Variants in CALM3 observed in about 807,000 individuals in gnomAD.
CALM3 encodes calmodulin 3.
In CALM3, 5 loss-of-function variants were observed where a neutral mutation model predicts 20.1. The ratio of observed to expected loss-of-function variants is 0.25; its 90% confidence interval spans 0.13 to 0.52. The LOEUF (loss-of-function observed/expected upper bound fraction) is 0.52, where lower values mean the gene tolerates loss of function less well. CALM3 is among the 20% of genes least tolerant of loss of function. The pLI is 0.96. For missense variants in CALM3, 57 were observed against 192.8 expected, an observed-to-expected ratio of 0.30 and a Z score of 4.17; for synonymous variants, 69 against 68.1, an observed-to-expected ratio of 1.01 and a Z score of -0.06.
At position 46,601,993 on chromosome 19, in the gene CALM3, C is replaced by A; in HGVS notation, c.3+556C>A. The A allele has an allele frequency of 1.2e-6, 1 of 801,370 alleles. No individual in the cohort carries two copies. Among genetic ancestry groups the A allele is most frequent in the Non-Finnish European group, 1.7e-6 (1 of 597,402 alleles). The allele number at this position is 801,370 out of a possible 1,614,324, so 49.6% of individuals were successfully genotyped here. A position where few individuals can be genotyped will look rare whatever the true frequency, so the allele number is the denominator to read the frequency against. ...GCTCCTGTGGAGCAGAGGAGAGGGT[C>A]AAGGATGGGCGGTCACTTCTACAGA... On this transcript the variant is annotated intron_variant, in intron 1 of 5. Transcript: ENST00000291295. The surrounding 1 kb of genome is among the most constrained non-coding windows in gnomAD (Gnocchi z 4.2).
Position 46,609,499 on chromosome 19 carries a change from C to A in CALM3, c.*346C>A. On this transcript the variant is annotated 3_prime_UTR_variant, in exon 6 of 6. Coordinates refer to ENST00000291295, the MANE Select transcript of CALM3 (RefSeq NM_005184.4). The stretch of plus-strand genomic sequence containing the variant: ...GGCTCTCCTCCATTTTGGTTTGTTT[C>A]CTCTTGTTTGTCATCTTATTTTGGG... The A allele has an allele frequency of 2.8e-6, 1 of 358,576 alleles. No homozygotes were observed. Among genetic ancestry groups the A allele is most frequent in the South Asian group, 4.3e-5 (1 of 22,994 alleles). The allele number at this position is 358,576 out of a possible 1,614,324, so 22.2% of individuals were successfully genotyped here.
chr19:46,601,989 G>A lies in CALM3; in HGVS notation c.3+552G>A, dbSNP rs1316905789. ...CTGGGCTCCTGTGGAGCAGAGGAGAGGGTCAAGGATGGGCGGTCACTTCTA... is the reference window on the plus strand; with the variant it reads ...CTGGGCTCCTGTGGAGCAGAGGAGAAGGTCAAGGATGGGCGGTCACTTCTA... On this transcript the variant is annotated intron_variant, in intron 1 of 5. Coordinates refer to ENST00000291295, the MANE Select transcript of CALM3 (RefSeq NM_005184.4). This position sits in a 1 kb window ranked among gnomAD's most constrained non-coding sequence, Gnocchi z 4.2. The A allele has an allele frequency of 3.8e-6, 3 of 798,402 alleles. No homozygotes were observed. Among genetic ancestry groups the A allele is most frequent in the African/African-American group, 1.8e-5 (1 of 55,682 alleles). The allele number at this position is 798,402 out of a possible 1,614,324, so 49.5% of individuals were successfully genotyped here. A position where few individuals can be genotyped will look rare whatever the true frequency, so the allele number is the denominator to read the frequency against.
In CALM3 at chr19:46,609,622, C is replaced by G. The variant is rs1018109502; in HGVS notation, c.*469C>G. The G allele has an allele frequency of 6.0e-6, 1 of 167,760 alleles. No homozygotes were observed. Among genetic ancestry groups the G allele is most frequent in the Non-Finnish European group, 1.3e-5 (1 of 78,108 alleles). 10.4% of individuals were successfully genotyped at this position (167,760 alleles called of 1,614,324 possible). A position where few individuals can be genotyped will look rare whatever the true frequency, so the allele number is the denominator to read the frequency against. On this transcript the variant is annotated 3_prime_UTR_variant, in exon 6 of 6. Transcript: ENST00000291295. ...CATGCCCTTTGCCGTTGCATGCAAC[C>G]AGCCCTGTGATTCCACGTGCAGATC... is the stretch of plus-strand genomic sequence containing the variant.
chr19:46,607,307 C>T (rs1431375153), intron 2 of CALM3, among the ~76,000 whole-genome samples: 1 of 152,210 alleles, frequency 6.6e-6, no homozygotes, highest in African/African-American at 2.4e-5. Context: ...CCTTGTGCAA[C>T]ATAAACGGTC....
Position 46,601,882 on chromosome 19 carries a change from G to A in CALM3, c.3+445G>A, listed in dbSNP as rs2122213690. Among the ~76,000 whole-genome samples, 1 of 152,196 alleles carries A rather than the reference G, an allele frequency of 6.6e-6. No homozygotes were observed. Among genetic ancestry groups the A allele is most frequent in the South Asian group, 2.1e-4 (1 of 4,818 alleles). On this transcript the variant is annotated intron_variant, in intron 1 of 5. Transcript: ENST00000291295. This position sits in a 1 kb window ranked among gnomAD's most constrained non-coding sequence, Gnocchi z 4.2. The stretch of plus-strand genomic sequence containing the variant: ...GGCGTTTGGTCCTGAGAGGATGCGG[G>A]GAACGGGGGACGAAGGGAGGCTGGG...
Position 46,604,081 on chromosome 19 carries a change from GA to G in CALM3, c.4-1742del, listed in dbSNP as rs1475479590. ...TCCATTCTAGGCCAGGGGAAAGAAT[GA>G]AAAGCAGATGGGATGGCAGCCACCT... On this transcript the variant is annotated intron_variant, in intron 1 of 5. Coordinates refer to ENST00000291295, the MANE Select transcript of CALM3 (RefSeq NM_005184.4). Among the ~76,000 whole-genome samples, 10 of 152,304 alleles carry G rather than the reference GA, an allele frequency of 6.6e-5. No individual in the cohort carries two copies. In the East Asian group the frequency reaches 1.9e-3, roughly 29 times the overall value.
chr19:46,609,919 G>A lies in CALM3; in HGVS notation c.*766G>A, dbSNP rs1333685607. ...CGCGTTCCTGAAGCGCTCTCGAGCT[G>A]TTCTGTAAATACCTGGTGCTAACAT... On this transcript the variant is annotated 3_prime_UTR_variant, in exon 6 of 6. Coordinates refer to ENST00000291295, the MANE Select transcript of CALM3 (RefSeq NM_005184.4). The A allele has an allele frequency of 6.5e-6, 1 of 152,786 alleles. No individual in the cohort carries two copies. Among genetic ancestry groups the A allele is most frequent in the Non-Finnish European group, 1.5e-5 (1 of 68,162 alleles). 9.5% of individuals were successfully genotyped at this position (152,786 alleles called of 1,614,324 possible).
chr19:46,602,188 C>G, intron 1 of CALM3: 1 of 1,354,106 alleles, frequency 7.4e-7, no homozygotes, highest in South Asian at 1.2e-5. Flanking sequence ...GGATCAGGGT[C>G]GTGGAGGTGG....
rs1201482067 is a variant in CALM3, at chr19:46,609,765, A to G, written c.*612A>G. On this transcript the variant is annotated 3_prime_UTR_variant, in exon 6 of 6. Transcript: ENST00000291295. ...AGGAGGGGGTCGAGGGGGCCAACTC[A>G]CAGAAGGGGACTGACAGTGGGCAAC... 6.5e-6 allele frequency: 1 copy of G among 153,456 alleles called. No individual in the cohort carries two copies. The highest frequency in any genetic ancestry group is 1.5e-5 in the Non-Finnish European group (1 of 68,810). 9.5% of individuals were successfully genotyped at this position (153,456 alleles called of 1,614,324 possible).
In CALM3 at chr19:46,605,743, G is replaced by A; in HGVS notation, c.4-84G>A. The A allele has an allele frequency of 1.4e-6, 2 of 1,408,794 alleles. No homozygotes were observed. Among genetic ancestry groups the A allele is most frequent in the Non-Finnish European group, 2.0e-6 (2 of 995,452 alleles). 87.3% of individuals were successfully genotyped at this position (1,408,794 alleles called of 1,614,324 possible). ...AATGGCACGTGGAGCTGGCCTCACT[G>A]GGGCCGAGGGTCTGGGCTGAGTGAG... On this transcript the variant is annotated intron_variant, in intron 1 of 5. Coordinates refer to ENST00000291295, the MANE Select transcript of CALM3 (RefSeq NM_005184.4). This position sits in a 1 kb window ranked among gnomAD's most constrained non-coding sequence, Gnocchi z 4.1.
chr19:46,603,569 G>A (rs1971679678), intron 1 of CALM3, among the ~76,000 whole-genome samples: 1 of 152,140 alleles, frequency 6.6e-6, no homozygotes, highest in Non-Finnish European at 1.5e-5. Flanking sequence ...CCTTGCTGGA[G>A]CCTAAGATGA....
chr19:46,603,064 G>C (rs988417779), intron 1 of CALM3, among the ~76,000 whole-genome samples: 5 of 152,226 alleles, frequency 3.3e-5, no homozygotes, highest in African/African-American at 1.2e-4. Flanking sequence ...CAGCAGACTA[G>C]TTCTTTCCTA....
intron 2 of CALM3, among the ~76,000 whole-genome samples, chr19:46,607,508 G>T (rs1313142258): frequency 6.6e-6 from 1 of 152,150 alleles, no homozygotes; most frequent in Non-Finnish European, 1.5e-5. Flanking sequence ...CCCCAGCTGT[G>T]GCCTTCCCAC....
rs746427314 is a variant in CALM3, at chr19:46,605,835, G to A, written c.12G>A (p.Gln4=). Reference sequence around the variant, plus strand: ...CCTTCATGCTTTTACAGGCTGACCAGCTGACTGAGGAGCAGATTGCAGGTG... The same window carrying A: ...CCTTCATGCTTTTACAGGCTGACCAACTGACTGAGGAGCAGATTGCAGGTG... MAD[Q]LTEEQIAEFK... The change falls in exon 2 of 6, where the codon CAG becomes CAA. Residue 4 remains glutamine, a synonymous_variant. Transcript: ENST00000291295. This position sits in a 1 kb window ranked among gnomAD's most constrained non-coding sequence, Gnocchi z 4.1. 47 of 1,613,994 alleles carry A rather than the reference G, an allele frequency of 2.9e-5. No homozygotes were observed. In the East Asian group the frequency reaches 1.0e-3, roughly 34 times the overall value.
chr19:46,601,278 T>C, upstream of CALM3: 3 of 545,498 alleles, frequency 5.5e-6, no homozygotes, highest in Non-Finnish European at 7.5e-6. This position sits in a 1 kb window ranked among gnomAD's most constrained non-coding sequence, Gnocchi z 4.2. Context: ...CGGCGGCCGT[T>C]GAGGGACCGT....
Position 46,601,713 on chromosome 19 carries a change from G to A in CALM3, c.3+276G>A, listed in dbSNP as rs1271452254. Among the ~76,000 whole-genome samples, 1 of 152,226 alleles carries A rather than the reference G, an allele frequency of 6.6e-6. No individual in the cohort carries two copies. Among genetic ancestry groups the A allele is most frequent in the Non-Finnish European group, 1.5e-5 (1 of 68,040 alleles). ...AAAGGGGACATTTGAACCCCGGATG[G>A]AGGATCGGGACCCTCAGTGGGACCC... On this transcript the variant is annotated intron_variant, in intron 1 of 5. Coordinates refer to ENST00000291295, the MANE Select transcript of CALM3 (RefSeq NM_005184.4). The surrounding 1 kb of genome is among the most constrained non-coding windows in gnomAD (Gnocchi z 4.2).
chr19:46,604,667 C>T (rs138865690), intron 1 of CALM3, among the ~76,000 whole-genome samples: 92 of 151,268 alleles, frequency 6.1e-4, no homozygotes, highest in African/African-American at 2.1e-3. Flanking sequence ...CCGTAGAATA[C>T]TGCAAATTCA....
At chr19:46,607,828 A>G (rs1027877501) in intron 2 of CALM3, 2 of 171,894 alleles carry the variant, frequency 1.2e-5, no homozygotes, top group Admixed American at 6.2e-5. Flanking sequence ...TTCGGCTCTC[A>G]TTCACTCCAT....
At chr19:46,602,047 G>T in intron 1 of CALM3, 2 of 1,265,066 alleles carry the variant, frequency 1.6e-6, no homozygotes, top group Non-Finnish European at 1.0e-6. Context: ...GGGAGGGTGG[G>T]GGAGGGTGGT....
Sources: gnomAD v4.1 joint callset for allele counts (sites outside exome capture counted in the v4.1 genomes callset) on GRCh38, gnomAD v4.1.1 for gene constraint, Gnocchi (gnomAD v3.1) non-coding constraint, MANE v1.5 for transcripts, NCBI Gene and HGNC (gene_info 2026-07-23, HGNC 2026-07-21) for gene names.